TMOD2: variants seen among roughly 807,000 people sequenced by gnomAD.
The protein encoded by TMOD2 is tropomodulin 2.
In TMOD2, 22 loss-of-function variants were observed where a neutral mutation model predicts 39.9. The ratio of observed to expected loss-of-function variants is 0.55; its 90% CI spans 0.39 to 0.79. The LOEUF is 0.79. TMOD2 is among the 30% of genes least tolerant of loss of function. TMOD2 has a pLI of 0.00. For synonymous variants in TMOD2, 123 were observed against 146.1 expected, an observed-to-expected ratio of 0.84 and a Z score of 1.14; for missense variants, 386 against 413.3, an observed-to-expected ratio of 0.93 and a Z score of 0.57.
chr15:51,802,260 AT>A (rs2056095456), intron 8 of TMOD2, among the ~76,000 whole-genome samples: 1 of 151,928 alleles, frequency 6.6e-6, no homozygotes, highest in African/African-American at 2.4e-5. Context: ...AATATTTCCT[AT>A]TTTTGATTCC....
rs563573997 is a variant in TMOD2 at position 51,785,519 on chromosome 15, A to G, written c.732+2691A>G. On this transcript the variant is annotated intron_variant, in intron 7 of 9. Coordinates refer to ENST00000249700, the MANE Select transcript of TMOD2 (RefSeq NM_014548.4). ...AAAAGAATGAAATCCTGTCATTTTC[A>G]GCACCATGGATGGGACTGGAGGTCA... Among the ~76,000 whole-genome samples the G allele has an allele frequency of 3.3e-5, 5 of 152,202 alleles. No individual in the cohort carries two copies. In the East Asian group the frequency reaches 9.6e-4, roughly 29 times the overall value.
At chr15:51,807,042 C>T (rs945396858) in intron 9 of TMOD2, among the ~76,000 whole-genome samples, 1 of 152,182 alleles carries the variant, frequency 6.6e-6, no homozygotes, top group African/African-American at 2.4e-5. Context: ...GCTGAGGATC[C>T]CTGGCATTTC....
intron 1 of TMOD2, among the ~76,000 whole-genome samples, chr15:51,764,555 C>T (rs747497083): frequency 6.6e-6 from 1 of 152,108 alleles, no homozygotes; most frequent in Non-Finnish European, 1.5e-5. Context: ...TCAGATCACT[C>T]CCCTACTTTA....
chr15:51,771,020 T>G (rs529984203), intron 3 of TMOD2, among the ~76,000 whole-genome samples: 38 of 152,322 alleles, frequency 2.5e-4, no homozygotes, highest in African/African-American at 8.9e-4. Flanking sequence ...TCTTTTGTTC[T>G]TAGTGTAGAG....
intron 7 of TMOD2, among the ~76,000 whole-genome samples, chr15:51,790,710 C>A (rs1257289097): frequency 1.3e-5 from 2 of 152,172 alleles, no homozygotes; most frequent in Admixed American, 1.3e-4. Flanking sequence ...ATACGCAAAT[C>A]AATAAACATA....
At chr15:51,807,400 G>C (rs1252121397) in intron 9 of TMOD2, among the ~76,000 whole-genome samples, 1 of 152,200 alleles carries the variant, frequency 6.6e-6, no homozygotes, top group African/African-American at 2.4e-5. Flanking sequence ...GTCCAGACAG[G>C]CTTTGCCAAG....
chr15:51,776,721 C>T (rs917531050), intron 4 of TMOD2, among the ~76,000 whole-genome samples: 8 of 152,160 alleles, frequency 5.3e-5, no homozygotes, highest in Admixed American at 2.0e-4. Context: ...CATGTGGAGA[C>T]GTAGAAAGAC....
At chr15:51,801,243 A>T (rs999202766) in intron 8 of TMOD2, among the ~76,000 whole-genome samples, 350 of 126,254 alleles carry the variant, frequency 2.8e-3, no homozygotes, top group South Asian at 4.6e-3. Flanking sequence ...TCTCTCACAC[A>T]CACACACACA....
intron 1 of TMOD2, among the ~76,000 whole-genome samples, chr15:51,760,823 A>T (rs1012057877): frequency 6.6e-6 from 1 of 151,722 alleles, no homozygotes; most frequent in Admixed American, 6.6e-5. Context: ...AGAAAAAAAA[A>T]TCCTTAATCC....
chr15:51,808,337 A>T, intron 9 of TMOD2, 83 bp from the exon 10 acceptor site: 1 of 1,102,790 alleles, frequency 9.1e-7, no homozygotes, highest in Non-Finnish European at 1.4e-6. Flanking sequence ...TGAGATTGTC[A>T]TCTTATGTGA....
chr15:51,791,820 T>TGTAA (rs1004889572), intron 7 of TMOD2, among the ~76,000 whole-genome samples: 2 of 152,198 alleles, frequency 1.3e-5, no homozygotes, highest in African/African-American at 4.8e-5. Context: ...AAACTGAAAC[T>TGTAA]GGACCCTTTC....
chr15:51,801,237 T>TCACA (rs546562505), intron 8 of TMOD2, among the ~76,000 whole-genome samples: 1,155 of 102,100 alleles, frequency 0.011, 12 homozygotes, highest in East Asian at 0.02. Context: ...TCTCTCTCTC[T>TCACA]CACACACACA....
intron 1 of TMOD2, among the ~76,000 whole-genome samples, chr15:51,761,384 T>C (rs750314745): frequency 1.3e-5 from 2 of 151,960 alleles, no homozygotes; most frequent in Non-Finnish European, 2.9e-5. Context: ...GCAACTCTGT[T>C]TAGAGAAAAA....
At chr15:51,776,412 C>T (rs531275364) in intron 4 of TMOD2, among the ~76,000 whole-genome samples, 2 of 152,170 alleles carry the variant, frequency 1.3e-5, no homozygotes, top group South Asian at 2.1e-4. Flanking sequence ...AAAATCAGTA[C>T]GCTTAGCTGA....
At chr15:51,789,133 C>T (rs1821580984) in intron 7 of TMOD2, among the ~76,000 whole-genome samples, 1 of 152,080 alleles carries the variant, frequency 6.6e-6, no homozygotes, top group Non-Finnish European at 1.5e-5. Flanking sequence ...TACAAAGACA[C>T]ACATAGGCTC....
intron 8 of TMOD2, among the ~76,000 whole-genome samples, chr15:51,801,050 C>A (rs1286797315): frequency 6.6e-6 from 1 of 152,048 alleles, no homozygotes; most frequent in Non-Finnish European, 1.5e-5. Flanking sequence ...TTAAGATTTT[C>A]TAGAGAGGCT....
chr15:51,775,509 A>T (rs895850933), intron 4 of TMOD2, among the ~76,000 whole-genome samples: 5 of 151,660 alleles, frequency 3.3e-5, no homozygotes, highest in African/African-American at 1.2e-4. Context: ...GTGTTTATCA[A>T]ATGGGACACC....
intron 7 of TMOD2, 137 bp downstream of exon 7, chr15:51,782,965 A>G: frequency 2.9e-6 from 2 of 679,102 alleles, no homozygotes; most frequent in Non-Finnish European, 5.0e-6. Context: ...AATTATAGTT[A>G]CAATGCAATA....
chr15:51,759,899 C>T (rs2141612913), intron 1 of TMOD2, among the ~76,000 whole-genome samples: 1 of 152,354 alleles, frequency 6.6e-6, no homozygotes, highest in African/African-American at 2.4e-5. Context: ...CAGCCAGGGG[C>T]AGGCAGCTGT....
Sources: allele counts gnomAD v4.1 joint callset (sites outside exome capture counted in the v4.1 genomes callset), GRCh38; gene constraint gnomAD v4.1.1; transcripts MANE v1.5; gene names NCBI Gene and HGNC (gene_info 2026-07-23, HGNC 2026-07-21).